Variants in DCC observed in about 807,000 individuals in gnomAD.
DCC encodes netrin receptor DCC.
DCC carries 58 observed loss-of-function variants against 172.5 expected under a neutral mutation model. The observed-to-expected ratio is 0.34, with a 90% CI of 0.27 to 0.42. The LOEUF is 0.42. Ranked by LOEUF, DCC falls within the 10% of genes least tolerant of loss-of-function variation. DCC has a pLI of 1.00. For missense variants in DCC, 1,740 were observed against 1,791.0 expected (o/e 0.97, Z 0.51); for synonymous variants, 709 against 644.5 (o/e 1.10, Z -1.52).
At position 53,499,490 on chromosome 18, in the gene DCC, C is replaced by T; in HGVS notation, c.4091C>T (p.Thr1364Ile). The T allele has an allele frequency of 6.2e-7, 1 of 1,614,050 alleles. No individual in the cohort carries two copies. Among genetic ancestry groups the T allele is most frequent in the Non-Finnish European group, 8.5e-7 (1 of 1,179,902 alleles). Residue 1364 changes from threonine (T) to isoleucine (I), a missense_variant, in exon 27 of 29, where the codon ACA becomes ATA. By Grantham distance (89) the Thr-to-Ile change is moderately conservative (BLOSUM62 -1). Around this residue, in one of 2 missense-constraint regions of DCC, gnomAD observed 1,732 missense variants for 1,767.4 expected, o/e 0.98. Coordinates refer to ENST00000442544, the MANE Select transcript of DCC (RefSeq NM_005215.4). ...MSAIEPKVPY[T>I]PLLSQPGPTL... ...GCAATAGAACCGAAAGTCCCTTACA[C>T]ACCACTTTTGTCTCAGCCAGGTAAA... is the stretch of plus-strand genomic sequence containing the variant.
chr18:52,616,136 A>G (rs1358107939), intron 1 of DCC, among the ~76,000 whole-genome samples: 2 of 152,066 alleles, frequency 1.3e-5, no homozygotes, highest in African/African-American at 4.8e-5. Context: ...TAATAACTAA[A>G]CTCTCAGCAT....
intron 8 of DCC, among the ~76,000 whole-genome samples, chr18:53,167,175 G>A (rs2054934584): frequency 6.6e-6 from 1 of 152,154 alleles, no homozygotes; most frequent in Admixed American, 6.6e-5. Flanking sequence ...CTCACAAGTT[G>A]TAACTAAATG....
intron 1 of DCC, among the ~76,000 whole-genome samples, chr18:52,531,356 G>T (rs1258796250): frequency 2.6e-5 from 4 of 152,124 alleles, no homozygotes; most frequent in African/African-American, 9.7e-5. Flanking sequence ...AAGCAGACTG[G>T]AAAAGGCTGA....
intron 7 of DCC, among the ~76,000 whole-genome samples, chr18:53,126,437 T>C (rs138617555): frequency 2.0e-5 from 3 of 152,204 alleles, no homozygotes; most frequent in Admixed American, 6.5e-5. Context: ...TCATGGAAAT[T>C]AGGTATTTCA....
chr18:53,466,041 G>A (rs913331891), intron 24 of DCC, among the ~76,000 whole-genome samples: 2 of 152,166 alleles, frequency 1.3e-5, no homozygotes, highest in Non-Finnish European at 2.9e-5. Flanking sequence ...TGGGATTACA[G>A]GCATGAGCCA....
At chr18:53,071,812 T>A (rs907175279) in intron 7 of DCC, among the ~76,000 whole-genome samples, 2 of 152,076 alleles carry the variant, frequency 1.3e-5, no homozygotes, top group East Asian at 1.9e-4. Flanking sequence ...CAGTGAATAG[T>A]CTAGCAAAAA....
chr18:53,039,441 G>C (rs888456846), intron 5 of DCC, among the ~76,000 whole-genome samples: 1 of 152,038 alleles, frequency 6.6e-6, no homozygotes, highest in African/African-American at 2.4e-5. Flanking sequence ...AGGAATATTT[G>C]CCAGAGGAAG....
At chr18:53,268,863 G>A (rs1272382485) in intron 12 of DCC, among the ~76,000 whole-genome samples, 2 of 152,192 alleles carry the variant, frequency 1.3e-5, no homozygotes, top group Non-Finnish European at 2.9e-5. Flanking sequence ...TGTAGGGAAT[G>A]AGGATGGATG....
At chr18:53,517,189 A>C (rs1288579944) in intron 27 of DCC, among the ~76,000 whole-genome samples, 15 of 146,324 alleles carry the variant, frequency 1.0e-4, no homozygotes, top group African/African-American at 3.3e-4. Flanking sequence ...TCAGTAAACT[A>C]TCGCAAGAAC....
intron 2 of DCC, among the ~76,000 whole-genome samples, chr18:52,872,387 A>G (rs550871724): frequency 2.0e-5 from 3 of 150,054 alleles, no homozygotes; most frequent in South Asian, 2.2e-4. Context: ...AATCTTTTCT[A>G]AGTCTGGACA....
intron 2 of DCC, among the ~76,000 whole-genome samples, chr18:52,853,505 T>A (rs964361297): frequency 1.3e-5 from 2 of 152,232 alleles, no homozygotes; most frequent in Non-Finnish European, 2.9e-5. Flanking sequence ...AACCAGATGT[T>A]CTGATTTCAT....
chr18:52,895,735 C>G (rs919203083), intron 2 of DCC, among the ~76,000 whole-genome samples: 4 of 152,046 alleles, frequency 2.6e-5, no homozygotes, highest in Middle Eastern at 3.4e-3. Context: ...TGTAACTTTT[C>G]TTTTTGTATA....
intron 5 of DCC, among the ~76,000 whole-genome samples, chr18:52,954,151 A>T (rs1427134224): frequency 6.6e-6 from 1 of 152,188 alleles, no homozygotes; most frequent in East Asian, 1.9e-4. Context: ...TATTGCTGGC[A>T]TACTCTCTTC....
At chr18:52,387,107 C>T (rs1038895127) in intron 1 of DCC, among the ~76,000 whole-genome samples, 2 of 152,158 alleles carry the variant, frequency 1.3e-5, no homozygotes, top group African/African-American at 4.8e-5. Flanking sequence ...TTCTTAATAG[C>T]ACTTTCAATT....
At chr18:53,363,091 T>C (rs1291917868) in intron 15 of DCC, among the ~76,000 whole-genome samples, 3 of 152,168 alleles carry the variant, frequency 2.0e-5, no homozygotes, top group African/African-American at 7.2e-5. Flanking sequence ...AAGGGACTTG[T>C]ACCAAATCCC....
chr18:52,720,732 A>G (rs2036460105), intron 1 of DCC, among the ~76,000 whole-genome samples: 1 of 152,212 alleles, frequency 6.6e-6, no homozygotes, highest in African/African-American at 2.4e-5. Context: ...TTGTATGACC[A>G]TTTAACTTGT....
At chr18:53,280,083 TAAAAC>T (rs1270336889) in intron 12 of DCC, among the ~76,000 whole-genome samples, 1 of 152,102 alleles carries the variant, frequency 6.6e-6, no homozygotes, top group Non-Finnish European at 1.5e-5. Flanking sequence ...CCCATGAACC[TAAAAC>T]AAAAGTTTTT....
chr18:53,466,684 C>A (rs1475713120), intron 24 of DCC, among the ~76,000 whole-genome samples: 2 of 152,166 alleles, frequency 1.3e-5, no homozygotes, highest in African/African-American at 4.8e-5. Context: ...CACCACCACA[C>A]CCAGCTAATT....
rs137970290 is a variant in DCC at position 53,223,035 on chromosome 18, A to C, written c.1911+7438A>C. 3.6e-4 allele frequency among the ~76,000 whole-genome samples: 55 copies of C among 152,144 alleles called. No individual in the cohort carries two copies. The East Asian group carries it at 0.01, about 28-fold the overall frequency. ...CAGAAGTGAATCAAGGAATAGTTAT[A>C]AAGGACATTTATGCATAACTAGAAT... On this transcript the variant is annotated intron_variant, in intron 12 of 28. Coordinates refer to ENST00000442544, the MANE Select transcript of DCC (RefSeq NM_005215.4).
Sources: gnomAD v4.1 joint callset for allele counts (sites outside exome capture counted in the v4.1 genomes callset) on GRCh38, gnomAD v4.1.1 for gene constraint, gnomAD v4.1.1 regional missense constraint, MANE v1.5 for transcripts, NCBI Gene and HGNC (gene_info 2026-07-23, HGNC 2026-07-21) for gene names.